LYST: variants seen among roughly 807,000 people sequenced by gnomAD.
LYST encodes lysosomal trafficking regulator.
Under a neutral mutation model 413.6 loss-of-function variants are expected in LYST, and 192 were observed. The observed-to-expected ratio is 0.46, with a 90% CI of 0.41 to 0.52. The LOEUF is 0.52. Among genes scored for constraint, LYST ranks in the 20% least tolerant of loss-of-function variants. The probability of loss-of-function intolerance (pLI) is 0.00; values close to 1 mark genes in which losing one functional copy is unlikely to be tolerated. For missense variants in LYST, 3,815 were observed against 4,499.9 expected (o/e 0.85, Z 4.35); for synonymous variants, 1,525 against 1,567.3 (o/e 0.97, Z 0.64).
chr1:235,839,268 T>TA (rs1481539223), intron 1 of LYST, among the ~76,000 whole-genome samples: 1 of 151,662 alleles, frequency 6.6e-6, no homozygotes, highest in Non-Finnish European at 1.5e-5. Flanking sequence ...TATACAGTTT[T>TA]TTTTTTGAGA....
chr1:235,763,436 A>G (rs1485787735), intron 21 of LYST, among the ~76,000 whole-genome samples: 1 of 152,090 alleles, frequency 6.6e-6, no homozygotes, highest in Non-Finnish European at 1.5e-5. Flanking sequence ...ATGGCAAATC[A>G]GTCACCAGGT....
At position 235,774,940 on chromosome 1, in the gene LYST, T is replaced by G; in HGVS notation, c.5607A>C (p.Lys1869Asn). 1 of 1,610,276 alleles carries G rather than the reference T, an allele frequency of 6.2e-7. No homozygotes were observed. Among genetic ancestry groups the G allele is most frequent in the Non-Finnish European group, 8.5e-7 (1 of 1,178,426 alleles). Residue 1869 changes from lysine (K) to asparagine (N), a missense_variant, in exon 18 of 53, where the codon AAA becomes AAC. Around this residue, in one of 4 missense-constraint regions of LYST, gnomAD observed 530 missense variants for 696.5 expected, o/e 0.76. Transcript: ENST00000389793. ...TCAAAATGTAAAACCCAACAATGCA[T>G]TTTTGTTTGATCAACACCTGATGAA... Reference protein sequence around the residue: ...SMIHQVLIKQKCIVGFYILKT... With the variant: ...SMIHQVLIKQNCIVGFYILKT...
At chr1:235,848,666 T>C (rs576630367) in intron 1 of LYST, among the ~76,000 whole-genome samples, 2 of 152,150 alleles carry the variant, frequency 1.3e-5, no homozygotes, top group South Asian at 4.2e-4. Context: ...AAAATCCAAA[T>C]GACCTCATTA....
At chr1:235,806,808 TAAAG>T in intron 5 of LYST, 36 bp from the exon 6 acceptor site, 2 of 1,353,558 alleles carry the variant, frequency 1.5e-6, no homozygotes, top group South Asian at 1.2e-5. Flanking sequence ...AAGGTTTAAA[TAAAG>T]AAACATCATT....
chr1:235,728,318 T>G (rs1481541627), intron 37 of LYST, among the ~76,000 whole-genome samples, 187 bp from the exon 38 acceptor site: 1 of 152,154 alleles, frequency 6.6e-6, no homozygotes, highest in Non-Finnish European at 1.5e-5. Context: ...TTTACCTCTT[T>G]GTGTCTTAAT....
intron 1 of LYST, among the ~76,000 whole-genome samples, chr1:235,842,549 TCTAG>T (rs1221332071): frequency 2.0e-5 from 3 of 152,228 alleles, no homozygotes; most frequent in Non-Finnish European, 4.4e-5. Context: ...ATCTCTAGCA[TCTAG>T]AACAGAACAC....
At chr1:235,709,442 T>A in intron 43 of LYST, 134 bp from the exon 44 acceptor site, 1 of 699,484 alleles carries the variant, frequency 1.4e-6, no homozygotes. Flanking sequence ...AAGGAGGATT[T>A]ACATTTTGAA....
chr1:235,721,842 T>C (rs1445262280), intron 39 of LYST, among the ~76,000 whole-genome samples: 1 of 152,224 alleles, frequency 6.6e-6, no homozygotes, highest in Non-Finnish European at 1.5e-5. Flanking sequence ...ATACCAGTAG[T>C]GTTCAAAATT....
chr1:235,770,364 G>T, intron 19 of LYST, 67 bp from the exon 20 acceptor site: 1 of 1,355,586 alleles, frequency 7.4e-7, no homozygotes, highest in Non-Finnish European at 1.1e-6. Context: ...CTTTTTGGAA[G>T]ACACACAACG....
chr1:235,661,447 T>A lies in LYST; in HGVS notation c.*1493A>T, dbSNP rs932330391. 1 of 152,308 alleles carries A rather than the reference T, an allele frequency of 6.6e-6. No individual in the cohort carries two copies. Among genetic ancestry groups the A allele is most frequent in the Admixed American group, 6.5e-5 (1 of 15,284 alleles). The allele number at this position is 152,308 out of a possible 1,614,324, so 9.4% of individuals were successfully genotyped here. On this transcript the variant is annotated 3_prime_UTR_variant, in exon 53 of 53. Transcript: ENST00000389793. The stretch of plus-strand genomic sequence containing the variant: ...GAGTAATCTCATCTCTGCACCTCCA[T>A]GGACCTCAGGATTCACACCTGGCCT...
Position 235,687,057 on chromosome 1 carries a change from A to C in LYST, c.10702-10T>G. The C allele has an allele frequency of 6.4e-7, 1 of 1,561,962 alleles. No homozygotes were observed. Among genetic ancestry groups the C allele is most frequent in the Non-Finnish European group, 8.8e-7 (1 of 1,132,584 alleles). The stretch of plus-strand genomic sequence containing the variant: ...AAGCACAACTAGTCACCTTTGAAAA[A>C]GGACCAATCAAAGATTATCATGTTT... On this transcript the variant is annotated splice_polypyrimidine_tract_variant and intron_variant, in intron 47 of 52. Coordinates refer to ENST00000389793, the MANE Select transcript of LYST (RefSeq NM_000081.4).
chr1:235,802,861 T>A lies in LYST; in HGVS notation c.3712+47A>T, dbSNP rs780322125. ...TATTATGAACCATTTTGCTATTTAATGATCTGGCTTGCAGATCTAATTACA... is the reference window on the plus strand; with the variant it reads ...TATTATGAACCATTTTGCTATTTAAAGATCTGGCTTGCAGATCTAATTACA... On this transcript the variant is annotated intron_variant, in intron 8 of 52. Transcript: ENST00000389793. 1.4e-5 allele frequency: 23 copies of A among 1,588,074 alleles called. No homozygotes were observed. In the Admixed American group the frequency reaches 3.5e-4, roughly 24 times the overall value.
intron 50 of LYST, among the ~76,000 whole-genome samples, chr1:235,666,221 TACATACACACACACAC>T (rs1210891641): frequency 4.3e-5 from 5 of 116,176 alleles, no homozygotes; most frequent in African/African-American, 1.6e-4. Context: ...ATGCAGTATG[TACATACACACACACAC>T]ACACACACAC....
At chr1:235,849,705 C>T (rs1678299563) in intron 1 of LYST, among the ~76,000 whole-genome samples, 1 of 148,036 alleles carries the variant, frequency 6.8e-6, no homozygotes, top group Non-Finnish European at 1.5e-5. Flanking sequence ...GAATCAGTAG[C>T]TCTTCTATAC....
chr1:235,753,154 A>T lies in LYST; in HGVS notation c.7350T>A (p.Leu2450=). 1.2e-6 allele frequency: 2 copies of T among 1,607,774 alleles called. No homozygotes were observed. Among genetic ancestry groups the T allele is most frequent in the East Asian group, 2.2e-5 (1 of 44,720 alleles). Reference sequence around the variant, plus strand: ...AACAAGAATTTAAAATTTGGAGAAGAAGTAAAAGAGCATTATGCAAGAGTA... The same window carrying T: ...AACAAGAATTTAAAATTTGGAGAAGTAGTAAAAGAGCATTATGCAAGAGTA... The part of the protein sequence containing the change: ...DNILLHNALL[L]LLQILNSCSK... The change falls in exon 26 of 53, where the codon CTT becomes CTA. Residue 2450 remains leucine, a synonymous_variant. Transcript: ENST00000389793.
chr1:235,744,562 T>G (rs1346832139), intron 29 of LYST, among the ~76,000 whole-genome samples: 1 of 151,730 alleles, frequency 6.6e-6, no homozygotes, highest in Non-Finnish European at 1.5e-5. Context: ...AATTTCAGAG[T>G]TTAGTCTGGG....
intron 1 of LYST, 56 bp downstream of exon 1, chr1:235,866,787 G>C (rs921201355): frequency 6.6e-6 from 1 of 152,370 alleles, no homozygotes; most frequent in African/African-American, 2.4e-5. Context: ...CCACGCAGAG[G>C]GGCCGGGACC....
Position 235,780,907 on chromosome 1 carries a change from T to G in LYST, c.5172A>C (p.Glu1724Asp), listed in dbSNP as rs772882896. The change falls in exon 16 of 53, where the codon GAA (glutamate) becomes GAC (aspartate). Residue 1724 changes from glutamate to aspartate, a missense_variant. Around this residue, in one of 4 missense-constraint regions of LYST, gnomAD observed 530 missense variants for 696.5 expected, o/e 0.76. Coordinates refer to ENST00000389793, the MANE Select transcript of LYST (RefSeq NM_000081.4). ...CCACATCTTTCTTGGTCATAAAAAGTTCTCTGATTTGTTCACATCGCAAAA... is the reference window on the plus strand; with the variant it reads ...CCACATCTTTCTTGGTCATAAAAAGGTCTCTGATTTGTTCACATCGCAAAA... ...KEILRCEQIRELFMTKKDVDI... is the reference protein window; with the variant it reads ...KEILRCEQIRDLFMTKKDVDI... 12 of 1,569,554 alleles carry G rather than the reference T, an allele frequency of 7.6e-6. No individual in the cohort carries two copies. The East Asian group carries it at 2.7e-4, about 36-fold the overall frequency.
intron 8 of LYST, among the ~76,000 whole-genome samples, chr1:235,801,314 C>T (rs1672189687): frequency 6.6e-6 from 1 of 151,706 alleles, no homozygotes; most frequent in African/African-American, 2.4e-5. Context: ...TTCAATAGAA[C>T]TACAAATTTT....
Sources: gnomAD v4.1 joint callset for allele counts (sites outside exome capture counted in the v4.1 genomes callset) on GRCh38, gnomAD v4.1.1 for gene constraint, gnomAD v4.1.1 regional missense constraint, MANE v1.5 for transcripts, NCBI Gene and HGNC (gene_info 2026-07-23, HGNC 2026-07-21) for gene names.